Variants in KLHDC4 observed in about 807,000 individuals in gnomAD.
KLHDC4 encodes kelch domain-containing protein 4.
A neutral mutation model predicts 62.4 loss-of-function variants in KLHDC4; 90 were observed. That is an observed-to-expected ratio of 1.44 (90% confidence interval 1.22 to 1.72). The LOEUF (loss-of-function observed/expected upper bound fraction) is 1.72. Among genes scored for constraint, KLHDC4 ranks in the 40% most tolerant of loss-of-function variants. The probability of loss-of-function intolerance (pLI) is 0.00; values close to 1 mark genes in which losing one functional copy is unlikely to be tolerated. For synonymous variants in KLHDC4, 386 were observed against 284.4 expected (o/e 1.36, Z -3.59); for missense variants, 1,025 against 699.7 (o/e 1.47, Z -5.25).
downstream of KLHDC4, among the ~76,000 whole-genome samples, chr16:87,706,733 G>A (rs893371691): frequency 4.6e-5 from 7 of 152,216 alleles, no homozygotes; most frequent in Admixed American, 1.3e-4. Context: ...AGGGAGCTCA[G>A]CACGTGCCCT....
chr16:87,711,607 T>G (rs1418483072), intron 8 of KLHDC4, among the ~76,000 whole-genome samples, 164 bp from the exon 9 acceptor site: 1 of 152,092 alleles, frequency 6.6e-6, no homozygotes, highest in Non-Finnish European at 1.5e-5. Flanking sequence ...CAGACACCAT[T>G]CAACTCCCCT....
At chr16:87,739,981 A>G (rs2042004391) in intron 5 of KLHDC4, 1 of 152,232 alleles carries the variant, frequency 6.6e-6, no homozygotes, top group Non-Finnish European at 1.5e-5. Context: ...GGGTATATGA[A>G]TCACATCTCA....
intron 7 of KLHDC4, among the ~76,000 whole-genome samples, chr16:87,721,700 C>A (rs2038382551): frequency 6.6e-6 from 1 of 152,234 alleles, no homozygotes; most frequent in South Asian, 2.1e-4. Context: ...TCCCAAGTGG[C>A]AAATGAAAGG....
At chr16:87,737,890 C>T (rs2041609677) in intron 5 of KLHDC4, among the ~76,000 whole-genome samples, 1 of 152,068 alleles carries the variant, frequency 6.6e-6, no homozygotes. Context: ...TGCGCCCAGC[C>T]CAGTCTCTCT....
intron 2 of KLHDC4, among the ~76,000 whole-genome samples, chr16:87,758,271 C>T (rs1464412578): frequency 1.3e-5 from 2 of 152,208 alleles, no homozygotes; most frequent in East Asian, 1.9e-4. Flanking sequence ...ATGCTCGTTA[C>T]GGCCTCACAA....
intron 6 of KLHDC4, among the ~76,000 whole-genome samples, chr16:87,727,301 T>C (rs1838295929): frequency 6.6e-6 from 1 of 152,224 alleles, no homozygotes; most frequent in South Asian, 2.1e-4. Context: ...CTGAAAGCCA[T>C]ACTGCGTTTT....
chr16:87,698,248 A>C (rs1380451008), exon 1 of KLHDC4: 1 of 152,288 alleles, frequency 6.6e-6, no homozygotes, highest in Non-Finnish European at 1.5e-5. Context: ...GGAGGACTGA[A>C]GGTCATACAT....
At chr16:87,721,112 C>T (rs2038219179) in intron 7 of KLHDC4, among the ~76,000 whole-genome samples, 2 of 152,214 alleles carry the variant, frequency 1.3e-5, no homozygotes, top group African/African-American at 4.8e-5. Flanking sequence ...ACATTTTCAG[C>T]TTCGCCATTA....
chr16:87,757,265 C>G (rs1346219369), intron 2 of KLHDC4: 1 of 151,136 alleles, frequency 6.6e-6, no homozygotes, highest in Non-Finnish European at 1.5e-5. Context: ...GTGAAGAGAT[C>G]GAGACCATCC....
intron 1 of KLHDC4, chr16:87,764,983 G>A (rs2046418434): frequency 2.6e-6 from 1 of 380,104 alleles, no homozygotes; most frequent in African/African-American, 2.1e-5. Context: ...CAGGACATCT[G>A]GTCACATCCC....
At chr16:87,716,446 C>G (rs2037009464) in intron 7 of KLHDC4, among the ~76,000 whole-genome samples, 1 of 152,174 alleles carries the variant, frequency 6.6e-6, no homozygotes, top group Admixed American at 6.5e-5. Context: ...ACACAGCTGC[C>G]ACTAGGAGCC....
chr16:87,700,444 C>T (rs966981023), exon 1 of KLHDC4: 2 of 157,646 alleles, frequency 1.3e-5, no homozygotes, highest in Admixed American at 1.4e-4. Context: ...GACCAAGACC[C>T]CGATTCCAGA....
intron 5 of KLHDC4, chr16:87,747,813 G>A (rs2043259820): frequency 1.3e-5 from 2 of 152,316 alleles, no homozygotes; most frequent in South Asian, 4.1e-4. Flanking sequence ...CTGGCTCATT[G>A]TGACATAACC....
intron 7 of KLHDC4, among the ~76,000 whole-genome samples, chr16:87,724,407 AAC>A (rs1025859199): frequency 6.6e-6 from 1 of 152,234 alleles, no homozygotes; most frequent in Non-Finnish European, 1.5e-5. Flanking sequence ...CTCATCAACA[AAC>A]ACTTCGGAAG....
intron 6 of KLHDC4, among the ~76,000 whole-genome samples, chr16:87,729,734 C>T (rs1204993190): frequency 6.6e-6 from 1 of 152,202 alleles, no homozygotes; most frequent in Non-Finnish European, 1.5e-5. Flanking sequence ...AGTGTGCTAT[C>T]ACTGCTCTCC....
chr16:87,710,490 A>T (rs1362396599), intron 9 of KLHDC4: 1 of 152,108 alleles, frequency 6.6e-6, no homozygotes, highest in Non-Finnish European at 1.5e-5. Flanking sequence ...ATCCTGGGGA[A>T]TGTCAACGGC....
At chr16:87,725,827 G>A (rs145409284) in intron 7 of KLHDC4, among the ~76,000 whole-genome samples, 10 of 152,268 alleles carry the variant, frequency 6.6e-5, no homozygotes, top group South Asian at 6.2e-4. Flanking sequence ...GGGTGGGCGC[G>A]AGAACATTCC....
intron 4 of KLHDC4, among the ~76,000 whole-genome samples, chr16:87,752,195 C>G (rs1487813010): frequency 1.3e-5 from 2 of 149,856 alleles, no homozygotes; most frequent in African/African-American, 4.9e-5. Flanking sequence ...TCGTTTGAGC[C>G]CAGGAGTTCA....
chr16:87,744,659 TTAAG>T (rs1345036253), intron 5 of KLHDC4, among the ~76,000 whole-genome samples: 15 of 151,582 alleles, frequency 9.9e-5, no homozygotes, highest in Non-Finnish European at 1.5e-4. Context: ...AGCAAAGACT[TTAAG>T]TAAATGAGAA....
Sources: allele counts gnomAD v4.1 joint callset (sites outside exome capture counted in the v4.1 genomes callset), GRCh38; gene constraint gnomAD v4.1.1; transcripts MANE v1.5; gene names NCBI Gene and HGNC (gene_info 2026-07-23, HGNC 2026-07-21).